Variants in ZFPM2 observed in about 807,000 individuals in gnomAD.
The protein encoded by ZFPM2 is zinc finger protein, FOG family member 2.
A neutral mutation model predicts 98.6 loss-of-function variants in ZFPM2; 20 were observed. That is an observed-to-expected ratio of 0.20 (90% CI 0.14 to 0.29). The LOEUF (loss-of-function observed/expected upper bound fraction) is 0.29, where lower values mean the gene tolerates loss of function less well. Ranked by LOEUF, ZFPM2 falls within the 10% of genes least tolerant of loss-of-function variation. The pLI is 1.00. For synonymous variants in ZFPM2, 518 were observed against 502.7 expected (o/e 1.03, Z -0.41); for missense variants, 1,310 against 1,388.6 (o/e 0.94, Z 0.90).
chr8:105,390,382 T>C (rs1429195216), intron 1 of ZFPM2, among the ~76,000 whole-genome samples: 1 of 152,196 alleles, frequency 6.6e-6, no homozygotes, highest in Non-Finnish European at 1.5e-5. Context: ...ACCTCCTAAA[T>C]GAAGACATAC....
chr8:105,633,383 G>A (rs1402582908), intron 4 of ZFPM2, among the ~76,000 whole-genome samples: 1 of 152,104 alleles, frequency 6.6e-6, no homozygotes, highest in African/African-American at 2.4e-5. Context: ...GCCGGTTCAC[G>A]GTGACTCATC....
At chr8:105,662,108 G>A (rs1417462597) in intron 5 of ZFPM2, among the ~76,000 whole-genome samples, 1 of 152,126 alleles carries the variant, frequency 6.6e-6, no homozygotes, top group Admixed American at 6.6e-5. Flanking sequence ...TCATTTAAAT[G>A]AGAAACAACA....
chr8:105,446,949 C>T (rs1004750865), intron 3 of ZFPM2, among the ~76,000 whole-genome samples: 2 of 152,008 alleles, frequency 1.3e-5, no homozygotes, highest in Non-Finnish European at 2.9e-5. Context: ...TTCGTGTTTT[C>T]GCTATTGCAT....
At chr8:105,654,382 T>C (rs1259747417) in intron 5 of ZFPM2, among the ~76,000 whole-genome samples, 2 of 152,130 alleles carry the variant, frequency 1.3e-5, no homozygotes, top group African/African-American at 2.4e-5. Flanking sequence ...AGGAGTCTAT[T>C]AAATTAATAA....
chr8:105,436,552 A>T (rs563547774), intron 2 of ZFPM2, among the ~76,000 whole-genome samples: 1 of 152,182 alleles, frequency 6.6e-6, no homozygotes, highest in African/African-American at 2.4e-5. Context: ...TAATGAAGAA[A>T]TGGGACTTAA....
intron 5 of ZFPM2, among the ~76,000 whole-genome samples, chr8:105,739,658 G>A (rs1812167493): frequency 6.6e-6 from 1 of 151,238 alleles, no homozygotes; most frequent in African/African-American, 2.4e-5. Context: ...TTCCTTGCTT[G>A]TTGATTCCTT....
chr8:105,448,862 G>C (rs1812431849), intron 3 of ZFPM2, among the ~76,000 whole-genome samples: 1 of 152,008 alleles, frequency 6.6e-6, no homozygotes, highest in Admixed American at 6.6e-5. Flanking sequence ...ACTGAACTTT[G>C]TTAAACACTT....
chr8:105,574,956 A>G (rs779730205), intron 4 of ZFPM2, among the ~76,000 whole-genome samples: 7 of 151,942 alleles, frequency 4.6e-5, no homozygotes, highest in Non-Finnish European at 8.8e-5. Context: ...AAAAAATAGC[A>G]CTTGCCTTTA....
chr8:105,590,382 T>A (rs2130762729), intron 4 of ZFPM2, among the ~76,000 whole-genome samples: 1 of 152,318 alleles, frequency 6.6e-6, no homozygotes, highest in East Asian at 1.9e-4. Context: ...GCCAAAATAC[T>A]TCAGTGTCAT....
chr8:105,802,038 G>A lies in ZFPM2; in HGVS notation c.1956G>A (p.Lys652=), dbSNP rs746408854. 1 of 1,613,790 alleles carries A rather than the reference G, an allele frequency of 6.2e-7. No individual in the cohort carries two copies. Among genetic ancestry groups the A allele is most frequent in the Non-Finnish European group, 8.5e-7 (1 of 1,179,866 alleles). The change falls in exon 8 of 8, where the codon AAG becomes AAA. Residue 652 remains lysine (K), a synonymous_variant. Transcript: ENST00000407775. The stretch of plus-strand genomic sequence containing the variant: ...AGGACTTTTCCACTCAAACTAAGAA[G>A]CTCTCCACCTCCAGTAACAATGATG... ...HDKDFSTQTK[K]LSTSSNNDDK... is the part of the protein sequence containing the mutation.
intron 5 of ZFPM2, chr8:105,784,818 T>C (rs1406504687): frequency 6.9e-6 from 1 of 145,496 alleles, no homozygotes; most frequent in African/African-American, 2.8e-5. Flanking sequence ...ACTCTGAAAA[T>C]TTTATTAGCA....
At chr8:105,758,632 A>G (rs1371007063) in intron 5 of ZFPM2, among the ~76,000 whole-genome samples, 1 of 152,148 alleles carries the variant, frequency 6.6e-6, no homozygotes, top group East Asian at 1.9e-4. Flanking sequence ...CTTCATTTTT[A>G]GGAGTCTTAT....
chr8:105,679,686 A>G (rs371949023), intron 5 of ZFPM2, among the ~76,000 whole-genome samples: 1 of 152,006 alleles, frequency 6.6e-6, no homozygotes, highest in East Asian at 1.9e-4. Flanking sequence ...AGTCCCAGCT[A>G]CTTGGGAGGC....
chr8:105,340,226 G>T (rs1445223082), intron 1 of ZFPM2, among the ~76,000 whole-genome samples: 1 of 151,820 alleles, frequency 6.6e-6, no homozygotes, highest in African/African-American at 2.4e-5. Context: ...TTTCTCACCT[G>T]TAAAATGGGC....
intron 1 of ZFPM2, among the ~76,000 whole-genome samples, chr8:105,416,353 C>T (rs572890196): frequency 2.5e-4 from 38 of 151,556 alleles, no homozygotes; most frequent in African/African-American, 6.3e-4. Context: ...TTATTCATTA[C>T]GTATTATTCT....
intron 3 of ZFPM2, among the ~76,000 whole-genome samples, chr8:105,550,762 G>T (rs1184278159): frequency 6.6e-6 from 1 of 152,134 alleles, no homozygotes; most frequent in Admixed American, 6.6e-5. Context: ...GACTTCAAAG[G>T]ATAGCTAGGG....
intron 3 of ZFPM2, among the ~76,000 whole-genome samples, chr8:105,454,001 A>C (rs560580408): frequency 2.0e-4 from 31 of 152,294 alleles, no homozygotes; most frequent in African/African-American, 6.0e-4. Context: ...TCAATATAAC[A>C]CATAAAAATA....
At chr8:105,510,508 T>TG (rs1296289452) in intron 3 of ZFPM2, among the ~76,000 whole-genome samples, 2 of 151,840 alleles carry the variant, frequency 1.3e-5, no homozygotes, top group Non-Finnish European at 2.9e-5. Flanking sequence ...CATTCAGTCA[T>TG]GAAATAAAGT....
At chr8:105,393,236 C>T (rs1811142388) in intron 1 of ZFPM2, among the ~76,000 whole-genome samples, 4 of 152,086 alleles carry the variant, frequency 2.6e-5, no homozygotes, top group Admixed American at 2.6e-4. Context: ...GTGTAGAAGA[C>T]AGCCTAATAA....
Sources: gnomAD v4.1 joint callset for allele counts (sites outside exome capture counted in the v4.1 genomes callset) on GRCh38, gnomAD v4.1.1 for gene constraint, MANE v1.5 for transcripts, NCBI Gene and HGNC (gene_info 2026-07-23, HGNC 2026-07-21) for gene names.